The following CUX1 variants were observed in gnomAD, a reference collection of about 807,000 sequenced individuals.
CUX1 encodes the protein cut like homeobox 1, also known as protein CASP.
A neutral mutation model predicts 158.8 loss-of-function variants in CUX1; 31 were observed. The ratio of observed to expected loss-of-function variants is 0.20; its 90% CI spans 0.15 to 0.26. CUX1 has a LOEUF of 0.26. Among genes scored for constraint, CUX1 ranks in the 10% least tolerant of loss-of-function variants. CUX1 has a pLI of 1.00. For synonymous variants in CUX1, 879 were observed against 862.1 expected, an observed-to-expected ratio of 1.02 and a Z score of -0.34; for missense variants, 1,589 against 2,014.6, an observed-to-expected ratio of 0.79 and a Z score of 4.04.
intron 4 of CUX1, among the ~76,000 whole-genome samples, chr7:102,095,779 C>T (rs905555833): frequency 7.2e-5 from 11 of 152,278 alleles, no homozygotes; most frequent in South Asian, 4.1e-4. Flanking sequence ...GTGACACTGG[C>T]GCCCATACCA....
At position 101,969,250 on chromosome 7, in the gene CUX1, G is replaced by A. The variant is rs150955193; in HGVS notation, c.141+53025G>A. ...CCCAGGAGGCTGAGGTGGGAGGATT[G>A]CTTGAGCCTGGGAGTTCCAGGATGC... On this transcript the variant is annotated intron_variant, in intron 2 of 23. Coordinates refer to ENST00000292535, the MANE Select transcript of CUX1 (RefSeq NM_181552.4). Among the ~76,000 whole-genome samples, 989 of 151,378 alleles carry A rather than the reference G, an allele frequency of 6.5e-3. 6 individuals are homozygous for A. Among genetic ancestry groups the A allele is most frequent in the African/African-American group, 0.023 (933 of 41,256 alleles).
intron 8 of CUX1, among the ~76,000 whole-genome samples, chr7:102,123,871 C>T (rs1335779797): frequency 1.3e-5 from 2 of 151,982 alleles, no homozygotes; most frequent in African/African-American, 2.4e-5. Context: ...ACCATGTTAC[C>T]TAGGCGGGTC....
chr7:102,011,538 A>G (rs1017143028), intron 2 of CUX1, among the ~76,000 whole-genome samples: 1 of 151,958 alleles, frequency 6.6e-6, no homozygotes, highest in Admixed American at 6.6e-5. Flanking sequence ...GTGCGCCACC[A>G]TGCCCAGCTA....
chr7:101,931,082 C>A (rs1201176327), intron 2 of CUX1, among the ~76,000 whole-genome samples: 1 of 152,082 alleles, frequency 6.6e-6, no homozygotes, highest in Non-Finnish European at 1.5e-5. Flanking sequence ...GATTTCAGAG[C>A]GAGACTCCGA....
chr7:102,175,898 T>C (rs1223923495), intron 10 of CUX1, among the ~76,000 whole-genome samples: 1 of 152,274 alleles, frequency 6.6e-6, no homozygotes, highest in Non-Finnish European at 1.5e-5. Flanking sequence ...CGAATCGCTA[T>C]AAAAGTTTCT....
chr7:102,244,028 AAAAAAT>A (rs562126412), intron 23 of CUX1, among the ~76,000 whole-genome samples: 128 of 152,070 alleles, frequency 8.4e-4, no homozygotes, highest in African/African-American at 2.9e-3. Flanking sequence ...CTCCGTCTCA[AAAAAAT>A]AAAAATAAAA....
At chr7:102,013,192 G>C (rs1028709913) in intron 2 of CUX1, among the ~76,000 whole-genome samples, 1 of 150,900 alleles carries the variant, frequency 6.6e-6, no homozygotes, top group African/African-American at 2.4e-5. Flanking sequence ...ATGCTGTCTT[G>C]TGTGGCTGAG....
At position 102,251,132 on chromosome 7, in the gene CUX1, T is replaced by A; in HGVS notation, c.*2090T>A. 1 of 985,134 alleles carries A rather than the reference T, an allele frequency of 1.0e-6. No individual in the cohort carries two copies. The highest frequency in any genetic ancestry group is 1.2e-6 in the Non-Finnish European group (1 of 829,646). The allele number at this position is 985,134 out of a possible 1,614,324, so 61.0% of individuals were successfully genotyped here. A position where few individuals can be genotyped will look rare whatever the true frequency, so the allele number is the denominator to read the frequency against. On this transcript the variant is annotated 3_prime_UTR_variant, in exon 24 of 24. Coordinates refer to ENST00000292535, the MANE Select transcript of CUX1 (RefSeq NM_181552.4). ...CTGTATATTACTGATTGAAAACTTT[T>A]TGACCGTATTGTGTATCATTGAAAC...
intron 2 of CUX1, among the ~76,000 whole-genome samples, chr7:102,010,836 C>T (rs563475365): frequency 1.3e-5 from 2 of 152,230 alleles, no homozygotes; most frequent in South Asian, 2.1e-4. Flanking sequence ...ATTGGCCAGG[C>T]GTGGTGGCTC....
intron 2 of CUX1, among the ~76,000 whole-genome samples, chr7:102,022,047 G>A (rs1026952645): frequency 1.3e-5 from 2 of 152,132 alleles, no homozygotes; most frequent in African/African-American, 4.8e-5. Flanking sequence ...GCGACTCTGG[G>A]ATATGGGGAG....
rs1310712812 is a variant in CUX1 at position 102,256,138 on chromosome 7, C to T, written c.*7096C>T. The T allele has an allele frequency of 2.1e-5, 21 of 985,298 alleles. No homozygotes were observed. Among genetic ancestry groups the T allele is most frequent in the Admixed American group, 6.1e-5 (1 of 16,262 alleles). The allele number at this position is 985,298 out of a possible 1,614,324, so 61.0% of individuals were successfully genotyped here. ...AGGGCCCGCGGGCTCTGGCCGGAGC[C>T]GCTGGCCTGACGAGGCAGGATAGGG... On this transcript the variant is annotated 3_prime_UTR_variant, in exon 24 of 24. Coordinates refer to ENST00000292535, the MANE Select transcript of CUX1 (RefSeq NM_181552.4).
chr7:102,247,658 T>A (rs1270752037), intron 23 of CUX1, among the ~76,000 whole-genome samples: 1 of 152,058 alleles, frequency 6.6e-6, no homozygotes, highest in East Asian at 1.9e-4. Flanking sequence ...ACTCCATCTC[T>A]TTAAAAAATT....
chr7:101,834,045 G>A (rs571079739), intron 1 of CUX1, among the ~76,000 whole-genome samples: 1 of 151,974 alleles, frequency 6.6e-6, no homozygotes, highest in Admixed American at 6.6e-5. Flanking sequence ...CTGTTGTCAC[G>A]ATTCTTCCAG....
chr7:102,117,734 G>A (rs186978079), intron 8 of CUX1, among the ~76,000 whole-genome samples: 202 of 152,290 alleles, frequency 1.3e-3, no homozygotes, highest in Non-Finnish European at 2.0e-3. Flanking sequence ...TATGGGATTC[G>A]GGATTGGAAG....
upstream of CUX1, chr7:101,816,858 C>G (rs1417668930): frequency 2.1e-6 from 2 of 957,464 alleles, no homozygotes; most frequent in East Asian, 1.2e-4. Context: ...CCGCCGCCCC[C>G]GGCTGTCACC....
intron 1 of CUX1, among the ~76,000 whole-genome samples, chr7:101,880,634 CT>C (rs893448532): frequency 6.6e-6 from 1 of 152,134 alleles, no homozygotes; most frequent in Admixed American, 6.5e-5. Flanking sequence ...GTACTTTAAC[CT>C]TTTTGAGAAT....
intron 3 of CUX1, among the ~76,000 whole-genome samples, chr7:102,034,438 G>A (rs975401674): frequency 2.0e-5 from 3 of 152,028 alleles, no homozygotes; most frequent in Admixed American, 6.6e-5. Flanking sequence ...TGGACAATGT[G>A]GTGGAACCCT....
In CUX1 at chr7:102,255,547, A is replaced by C. The variant is rs1789806736; in HGVS notation, c.*6505A>C. Reference sequence around the variant, plus strand: ...TACCCGATAATGTTAAGAAAGCATTAGTCTACGTTACTGTAATTTCTGTAG... The same window carrying C: ...TACCCGATAATGTTAAGAAAGCATTCGTCTACGTTACTGTAATTTCTGTAG... On this transcript the variant is annotated 3_prime_UTR_variant, in exon 24 of 24. Coordinates refer to ENST00000292535, the MANE Select transcript of CUX1 (RefSeq NM_181552.4). 1 of 985,332 alleles carries C rather than the reference A, an allele frequency of 1.0e-6. No individual in the cohort carries two copies. The allele number at this position is 985,332 out of a possible 1,614,324, so 61.0% of individuals were successfully genotyped here.
intron 3 of CUX1, among the ~76,000 whole-genome samples, chr7:102,035,003 G>A (rs1821260639): frequency 6.6e-6 from 1 of 150,790 alleles, no homozygotes; most frequent in African/African-American, 2.4e-5. Flanking sequence ...TAGGAATAGA[G>A]GGAAACTTCT....
Sources: gnomAD v4.1 joint callset for allele counts (sites outside exome capture counted in the v4.1 genomes callset) on GRCh38, gnomAD v4.1.1 for gene constraint, MANE v1.5 for transcripts, NCBI Gene and HGNC (gene_info 2026-07-23, HGNC 2026-07-21) for gene names.